The following RAC1 variants were observed in gnomAD, a reference collection of about 807,000 sequenced individuals.
RAC1 encodes Rac family small GTPase 1.
RAC1 carries 2 observed loss-of-function variants against 25.2 expected under a neutral mutation model. The observed-to-expected ratio is 0.08, with a 90% CI of 0.03 to 0.25. RAC1 has a LOEUF of 0.25. RAC1 is among the 10% of genes least tolerant of loss of function. RAC1 has a pLI of 1.00. For synonymous variants in RAC1, 88 were observed against 94.0 expected, an observed-to-expected ratio of 0.94 and a Z score of 0.37; for missense variants, 50 against 235.7, an observed-to-expected ratio of 0.21 and a Z score of 5.16.
intron 1 of RAC1, among the ~76,000 whole-genome samples, chr7:6,379,671 A>G (rs528317721): frequency 4.6e-5 from 7 of 152,332 alleles, no homozygotes; most frequent in Non-Finnish European, 8.8e-5. Context: ...TGGCCTCCCA[A>G]AGTGCTGGGA....
At chr7:6,388,760 A>G (rs1055404218) in intron 2 of RAC1, among the ~76,000 whole-genome samples, 5 of 152,184 alleles carry the variant, frequency 3.3e-5, no homozygotes, top group Non-Finnish European at 5.9e-5. Flanking sequence ...TTGAAGTACT[A>G]TAACTGATTT....
chr7:6,394,632 G>A (rs1460892223), intron 3 of RAC1, among the ~76,000 whole-genome samples: 2 of 152,160 alleles, frequency 1.3e-5, no homozygotes, highest in Non-Finnish European at 2.9e-5. Flanking sequence ...CAGGACCCCA[G>A]TGCGTCATGC....
At chr7:6,377,563 C>T (rs189768420) in intron 1 of RAC1, among the ~76,000 whole-genome samples, 1 of 152,212 alleles carries the variant, frequency 6.6e-6, no homozygotes, top group East Asian at 1.9e-4. Context: ...CCATTGCACT[C>T]CAGCCCGTGC....
At chr7:6,389,203 C>CAA (rs5882093) in intron 2 of RAC1, among the ~76,000 whole-genome samples, 1 of 138,686 alleles carries the variant, frequency 7.2e-6, no homozygotes. Context: ...CTCTGTCTCC[C>CAA]AAAAAAAAAA....
chr7:6,381,920 T>C (rs1359356549), intron 1 of RAC1, among the ~76,000 whole-genome samples: 2 of 152,134 alleles, frequency 1.3e-5, no homozygotes, highest in Non-Finnish European at 1.5e-5. Flanking sequence ...GCGAGGTCTT[T>C]AATTTATTCA....
intron 2 of RAC1, among the ~76,000 whole-genome samples, chr7:6,391,191 C>T (rs1783081932): frequency 6.6e-6 from 1 of 152,076 alleles, no homozygotes; most frequent in Admixed American, 6.6e-5. Flanking sequence ...AGCCACCGTG[C>T]CCAGCCTCTG....
chr7:6,389,833 A>ATG (rs1392964073), intron 2 of RAC1, among the ~76,000 whole-genome samples: 3 of 152,112 alleles, frequency 2.0e-5, no homozygotes, highest in Non-Finnish European at 2.9e-5. Flanking sequence ...GCTCTTTTGA[A>ATG]TGTTTACTGT....
Position 6,402,734 on chromosome 7 carries a change from A to G in RAC1, c.*288A>G. On this transcript the variant is annotated 3_prime_UTR_variant, in exon 6 of 6. Transcript: ENST00000348035. ...CTTATTTTTCAAAAGCGCCCCCCCCATTCTTGTTCAGATTAAGAGTTGCCA... is the reference window on the plus strand; with the variant it reads ...CTTATTTTTCAAAAGCGCCCCCCCCGTTCTTGTTCAGATTAAGAGTTGCCA... The G allele has an allele frequency of 3.6e-6, 1 of 275,546 alleles. No homozygotes were observed. Among genetic ancestry groups the G allele is most frequent in the Non-Finnish European group, 6.8e-6 (1 of 146,188 alleles). 17.1% of individuals were successfully genotyped at this position (275,546 alleles called of 1,614,324 possible).
At chr7:6,381,986 T>A (rs1782778478) in intron 1 of RAC1, among the ~76,000 whole-genome samples, 1 of 152,080 alleles carries the variant, frequency 6.6e-6, no homozygotes, top group Admixed American at 6.6e-5. Flanking sequence ...GTCCTTAAGA[T>A]CTACATACTT....
intron 1 of RAC1, among the ~76,000 whole-genome samples, chr7:6,383,864 G>A (rs369671298): frequency 1.1e-4 from 14 of 126,928 alleles, no homozygotes; most frequent in East Asian, 7.3e-4. Context: ...GTGCAATGGC[G>A]CAATCTCGGC....
intron 3 of RAC1, among the ~76,000 whole-genome samples, chr7:6,392,290 C>T (rs1562466862): frequency 6.6e-6 from 1 of 152,088 alleles, no homozygotes; most frequent in African/African-American, 2.4e-5. Context: ...TTAGAATAAC[C>T]GTATGAAAGA....
At chr7:6,400,425 G>A (rs962470891) in intron 4 of RAC1, among the ~76,000 whole-genome samples, 2 of 151,828 alleles carry the variant, frequency 1.3e-5, no homozygotes, top group Admixed American at 1.3e-4. Flanking sequence ...GAACTCCTGG[G>A]CTCAAACAGT....
intron 3 of RAC1, among the ~76,000 whole-genome samples, chr7:6,397,258 AAAAGAAAAAAAG>A (rs1783269896): frequency 6.7e-6 from 1 of 150,070 alleles, no homozygotes; most frequent in Admixed American, 6.7e-5. Flanking sequence ...AAAAAGAAAA[AAAAGAAAAAAAG>A]AAAAGCTTGA....
intron 1 of RAC1, among the ~76,000 whole-genome samples, chr7:6,384,990 G>A (rs1418223841): frequency 6.6e-6 from 1 of 151,526 alleles, no homozygotes; most frequent in Non-Finnish European, 1.5e-5. Context: ...ATTTTTAGTA[G>A]AGAACGGGTT....
intron 3 of RAC1, 121 bp from the exon 4 acceptor site, chr7:6,400,005 C>A: frequency 1.1e-6 from 1 of 895,462 alleles, no homozygotes; most frequent in South Asian, 1.4e-5. Flanking sequence ...AGCGTCTGAC[C>A]ACACCACTGG....
chr7:6,374,824 G>C (rs1194473910), intron 1 of RAC1, 54 bp downstream of exon 1: 1 of 1,080,344 alleles, frequency 9.3e-7, no homozygotes, highest in Non-Finnish European at 1.1e-6. Flanking sequence ...CGCGGAGGGG[G>C]GTTGGGCCCG....
At chr7:6,399,256 T>G (rs934340136) in intron 3 of RAC1, among the ~76,000 whole-genome samples, 1 of 152,234 alleles carries the variant, frequency 6.6e-6, no homozygotes, top group Non-Finnish European at 1.5e-5. Context: ...GATGTTTCTT[T>G]CCCTTTCAGG....
chr7:6,390,525 A>G (rs925948699), intron 2 of RAC1, among the ~76,000 whole-genome samples: 1 of 151,628 alleles, frequency 6.6e-6, no homozygotes, highest in African/African-American at 2.4e-5. Flanking sequence ...ACTTGAACCC[A>G]GGAGGTGGAG....
intron 1 of RAC1, among the ~76,000 whole-genome samples, chr7:6,384,298 C>T (rs1782860879): frequency 6.6e-6 from 1 of 152,172 alleles, no homozygotes; most frequent in Admixed American, 6.5e-5. Context: ...GCAACAGCTT[C>T]CATGTGTGTC....
Sources: allele counts gnomAD v4.1 joint callset (sites outside exome capture counted in the v4.1 genomes callset), GRCh38; gene constraint gnomAD v4.1.1; transcripts MANE v1.5; gene names NCBI Gene and HGNC (gene_info 2026-07-23, HGNC 2026-07-21).